The following KIF26B variants were observed in gnomAD, a reference collection of about 807,000 sequenced individuals.
KIF26B encodes kinesin family member 26B, also known as kinesin-like protein KIF26B.
A neutral mutation model predicts 151.2 loss-of-function variants in KIF26B; 63 were observed. The observed-to-expected ratio is 0.42, with a 90% CI of 0.34 to 0.51. KIF26B has a LOEUF of 0.51. Ranked by LOEUF, KIF26B falls within the 20% of genes least tolerant of loss-of-function variation. The probability of loss-of-function intolerance (pLI) is 0.07; values close to 1 mark genes in which losing one functional copy is unlikely to be tolerated. For synonymous variants in KIF26B, 1,357 were observed against 1,262.1 expected (o/e 1.08, Z -1.59); for missense variants, 2,813 against 2,913.6 (o/e 0.97, Z 0.79).
intron 6 of KIF26B, among the ~76,000 whole-genome samples, chr1:245,603,145 GAA>G (rs5782358): frequency 1.3e-5 from 2 of 148,708 alleles, no homozygotes; most frequent in South Asian, 2.1e-4. Context: ...TGTACGAAGG[GAA>G]AAAAAAAAGT....
chr1:245,394,733 CG>C (rs1673788109), intron 3 of KIF26B, among the ~76,000 whole-genome samples: 1 of 131,464 alleles, frequency 7.6e-6, no homozygotes, highest in Admixed American at 7.9e-5. Flanking sequence ...TCTTGTTGCC[CG>C]GGCTAGAGTG....
intron 2 of KIF26B, chr1:245,216,134 T>C (rs955040200): frequency 4.6e-5 from 7 of 152,072 alleles, no homozygotes; most frequent in Non-Finnish European, 8.8e-5. Context: ...GTTGTGCATA[T>C]TACCTGTTAT....
chr1:245,390,943 A>AAAAAACAAAACAAAACAAAAC lies in KIF26B; in HGVS notation c.999+23581_999+23582insCAAAACAAAACAAAACAAAAA, dbSNP rs1553270130. Among the ~76,000 whole-genome samples the AAAAAACAAAACAAAACAAAAC allele has an allele frequency of 4.6e-4, 55 of 118,448 alleles. 1 individual carries two copies. The highest frequency in any genetic ancestry group is 2.0e-3 in the African/African-American group (50 of 24,438). The allele number at this position is 118,448 out of a possible 152,430, so 77.7% of individuals were successfully genotyped here. On this transcript the variant is annotated intron_variant, in intron 3 of 14. Transcript: ENST00000407071. Reference sequence around the variant, plus strand: ...TCTCAAAAAAAAAAAAAAAAAAAAAAAAAAAAAAACCACCATAAAATTTTG... The same window carrying AAAAAACAAAACAAAACAAAAC: ...TCTCAAAAAAAAAAAAAAAAAAAAAAAAAAACAAAACAAAACAAAACAAAAAAAAACCACCATAAAATTTTG...
chr1:245,376,797 C>T (rs1441879303), intron 3 of KIF26B, among the ~76,000 whole-genome samples: 5 of 152,222 alleles, frequency 3.3e-5, no homozygotes, highest in African/African-American at 1.2e-4. Context: ...AAGTGATTCT[C>T]CTGCCTCAGC....
At chr1:245,184,050 G>GTTGTTTTTTTTTTTTTTTTTTTTTTTTTT (rs1553332271) in intron 2 of KIF26B, among the ~76,000 whole-genome samples, 5 of 19,810 alleles carry the variant, frequency 2.5e-4, no homozygotes, top group Non-Finnish European at 4.0e-4. Context: ...GGGAGTTGTT[G>GTTGTTTTTTTTTTTTTTTTTTTTTTTTTT]TTTTTTTTTT....
intron 1 of KIF26B, 52 bp downstream of exon 1, chr1:245,155,539 G>A: frequency 6.8e-7 from 1 of 1,474,586 alleles, no homozygotes; most frequent in African/African-American, 1.4e-5. Context: ...CATCTCGGCG[G>A]AGGTCCCCCT....
At chr1:245,380,470 C>T (rs930121541) in intron 3 of KIF26B, among the ~76,000 whole-genome samples, 44 of 152,284 alleles carry the variant, frequency 2.9e-4, no homozygotes, top group African/African-American at 1.0e-3. Context: ...GGCGCTGCGT[C>T]GCCAGGGAGG....
chr1:245,370,720 C>T (rs1673095585), intron 3 of KIF26B: 11 of 434,536 alleles, frequency 2.5e-5, no homozygotes, highest in South Asian at 1.1e-4. Flanking sequence ...GTGTGTAAGT[C>T]GGAAACACTG....
At chr1:245,262,062 G>A (rs927713096) in intron 2 of KIF26B, among the ~76,000 whole-genome samples, 8 of 152,134 alleles carry the variant, frequency 5.3e-5, no homozygotes, top group Admixed American at 2.0e-4. Context: ...GAGGTGTGAC[G>A]AGCACATTAT....
At chr1:245,249,377 G>T (rs566405469) in intron 2 of KIF26B, among the ~76,000 whole-genome samples, 1 of 152,268 alleles carries the variant, frequency 6.6e-6, no homozygotes, top group East Asian at 1.9e-4. Flanking sequence ...GGGATTACAA[G>T]TGTGAGGCAC....
At chr1:245,204,773 T>C (rs576661137) in intron 2 of KIF26B, among the ~76,000 whole-genome samples, 1 of 151,970 alleles carries the variant, frequency 6.6e-6, no homozygotes, top group Non-Finnish European at 1.5e-5. Context: ...CAGGGCTTTA[T>C]TTTGTGTGAT....
At chr1:245,321,891 T>C (rs921435450) in intron 2 of KIF26B, among the ~76,000 whole-genome samples, 1 of 152,272 alleles carries the variant, frequency 6.6e-6, no homozygotes, top group African/African-American at 2.4e-5. Context: ...CTTTAACTCC[T>C]GGAGGCTGGC....
intron 10 of KIF26B, among the ~76,000 whole-genome samples, chr1:245,660,730 C>A (rs1476790297): frequency 6.6e-6 from 1 of 152,174 alleles, no homozygotes. Context: ...ACGTTGCTCT[C>A]TAAGTACTGC....
chr1:245,382,080 T>C (rs1184367596), intron 3 of KIF26B, among the ~76,000 whole-genome samples: 1 of 152,232 alleles, frequency 6.6e-6, no homozygotes, highest in African/African-American at 2.4e-5. Context: ...CTTTTGGATA[T>C]ATCCAGAAGT....
At chr1:245,275,444 G>A (rs1558371227) in intron 2 of KIF26B, among the ~76,000 whole-genome samples, 3 of 152,126 alleles carry the variant, frequency 2.0e-5, no homozygotes, top group Admixed American at 6.5e-5. Flanking sequence ...TTTTCTTCTA[G>A]GGATTTTATG....
At chr1:245,185,941 C>A (rs1668993649) in intron 2 of KIF26B, among the ~76,000 whole-genome samples, 1 of 152,046 alleles carries the variant, frequency 6.6e-6, no homozygotes, top group Non-Finnish European at 1.5e-5. Flanking sequence ...GTGGCGTGAT[C>A]TCAGCTCACT....
At chr1:245,541,781 G>A (rs1032703357) in intron 5 of KIF26B, among the ~76,000 whole-genome samples, 3 of 144,680 alleles carry the variant, frequency 2.1e-5, no homozygotes, top group East Asian at 1.9e-4. Flanking sequence ...CTGAAGCTCC[G>A]GAGCAACTAC....
chr1:245,415,713 C>A (rs1223735266), intron 3 of KIF26B, among the ~76,000 whole-genome samples: 1 of 151,688 alleles, frequency 6.6e-6, no homozygotes, highest in South Asian at 2.1e-4. Flanking sequence ...CACTATCTTG[C>A]AGACTGTCTT....
Position 245,540,870 on chromosome 1 carries a change from C to T in KIF26B, c.1270C>T (p.Leu424=). 1 of 1,613,948 alleles carries T rather than the reference C, an allele frequency of 6.2e-7. No homozygotes were observed. ...CTTTGCAACCAGCTTCAGTGGGATT[C>T]TGCAGACCTCCCCTCCCCCAGCCCC... The part of the protein sequence containing the change: ...PLFATSFSGI[L]QTSPPPAPPC... Residue 424 remains leucine (L), a synonymous_variant, in exon 5 of 15, where the codon CTG becomes TTG. Transcript: ENST00000407071. This position sits in a 1 kb window ranked among gnomAD's most constrained non-coding sequence, Gnocchi z 4.6.
Sources: gnomAD v4.1 joint callset for allele counts (sites outside exome capture counted in the v4.1 genomes callset) on GRCh38, gnomAD v4.1.1 for gene constraint, Gnocchi (gnomAD v3.1) non-coding constraint, MANE v1.5 for transcripts, NCBI Gene and HGNC (gene_info 2026-07-23, HGNC 2026-07-21) for gene names.